The following MYLK variants were observed in gnomAD, a reference collection of about 807,000 sequenced individuals.
The protein encoded by MYLK is myosin light chain kinase.
In MYLK, 106 loss-of-function variants were observed where a neutral mutation model predicts 203.4. The ratio of observed to expected loss-of-function variants is 0.52; its 90% CI spans 0.45 to 0.61. MYLK has a LOEUF of 0.61. Among genes scored for constraint, MYLK ranks in the 20% least tolerant of loss-of-function variants. MYLK has a pLI of 0.00. For missense variants in MYLK, 2,072 were observed against 2,442.3 expected (o/e 0.85, Z 3.20); for synonymous variants, 867 against 959.5 (o/e 0.90, Z 1.78).
rs1227637591 is a variant in MYLK, at chr3:123,677,918, T to TACACAC, written c.3652+4300_3652+4305dup. 4.2e-4 allele frequency among the ~76,000 whole-genome samples: 33 copies of TACACAC among 78,870 alleles called. No homozygotes were observed. In the East Asian group the frequency reaches 6.8e-3, roughly 16 times the overall value. 51.7% of individuals were successfully genotyped at this position (78,870 alleles called of 152,430 possible). On this transcript the variant is annotated intron_variant, in intron 20 of 33. Transcript: ENST00000360304. Reference sequence around the variant, plus strand: ...ATATATATATATATATATATATATATACACACACACACACACAGAGTACAT... The same window carrying TACACAC: ...ATATATATATATATATATATATATATACACACACACACACACACACACAGAGTACAT...
intron 11 of MYLK, among the ~76,000 whole-genome samples, chr3:123,728,220 C>T (rs2062357847): frequency 6.6e-6 from 1 of 152,174 alleles, no homozygotes; most frequent in East Asian, 1.9e-4. Context: ...AACAAACAAA[C>T]ATCCAGGAGT....
intron 20 of MYLK, among the ~76,000 whole-genome samples, chr3:123,670,405 A>C (rs2059877595): frequency 6.6e-6 from 1 of 152,166 alleles, no homozygotes; most frequent in African/African-American, 2.4e-5. Context: ...GGAGGCTGGC[A>C]GAGCACAGGG....
intron 9 of MYLK, chr3:123,734,895 C>A: frequency 5.2e-6 from 1 of 193,780 alleles, no homozygotes; most frequent in Non-Finnish European, 1.1e-5. Flanking sequence ...GCTTCCCTGC[C>A]CCTCTATTCT....
At chr3:123,874,455 T>A (rs948745508) in intron 2 of MYLK, among the ~76,000 whole-genome samples, 1 of 152,158 alleles carries the variant, frequency 6.6e-6, no homozygotes, top group African/African-American at 2.4e-5. Flanking sequence ...AGAATCTCTA[T>A]CTATACCTTA....
chr3:123,718,421 G>T (rs1345300135), intron 13 of MYLK, among the ~76,000 whole-genome samples: 2 of 152,214 alleles, frequency 1.3e-5, no homozygotes, highest in African/African-American at 4.8e-5. Context: ...TAAAATGAAA[G>T]TGAATTTTCA....
At chr3:123,754,915 T>C (rs1328467516) in intron 4 of MYLK, among the ~76,000 whole-genome samples, 1 of 152,224 alleles carries the variant, frequency 6.6e-6, no homozygotes, top group African/African-American at 2.4e-5. Flanking sequence ...TATGCATGTT[T>C]AAAGGTGACA....
intron 3 of MYLK, among the ~76,000 whole-genome samples, chr3:123,799,193 C>T (rs1246790080): frequency 1.3e-5 from 2 of 151,954 alleles, no homozygotes; most frequent in African/African-American, 4.8e-5. Flanking sequence ...ACCCCTCACC[C>T]CTCACCCCCT....
At chr3:123,849,996 T>C (rs2030556723) in intron 2 of MYLK, among the ~76,000 whole-genome samples, 1 of 152,188 alleles carries the variant, frequency 6.6e-6, no homozygotes, top group African/African-American at 2.4e-5. Flanking sequence ...ATGCGGTGTT[T>C]GGTTTTTTGT....
At chr3:123,813,759 CCTTA>C (rs1463955383) in intron 3 of MYLK, among the ~76,000 whole-genome samples, 1 of 152,158 alleles carries the variant, frequency 6.6e-6, no homozygotes, top group African/African-American at 2.4e-5. Context: ...AATCTGCCTG[CCTTA>C]GCCTCCCAAA....
chr3:123,875,331 C>G (rs1236883416), intron 2 of MYLK, among the ~76,000 whole-genome samples: 1 of 152,106 alleles, frequency 6.6e-6, no homozygotes, highest in African/African-American at 2.4e-5. Flanking sequence ...GGATGAATCT[C>G]CAACACATTA....
intron 4 of MYLK, among the ~76,000 whole-genome samples, chr3:123,765,108 C>A (rs115662780): frequency 3.9e-5 from 6 of 152,228 alleles, no homozygotes; most frequent in African/African-American, 1.4e-4. Context: ...TTGGAACCGT[C>A]GCACACTGCT....
chr3:123,689,475 A>C (rs820379), intron 19 of MYLK, among the ~76,000 whole-genome samples: 132,634 of 152,038 alleles, frequency 0.87, 60,437 homozygotes, highest in Non-Finnish European at 1. Context: ...AACAGGTTTC[A>C]GAGCCAGACC....
chr3:123,711,017 G>A (rs551710298), intron 13 of MYLK, among the ~76,000 whole-genome samples: 162 of 152,240 alleles, frequency 1.1e-3, no homozygotes, highest in African/African-American at 3.8e-3. Context: ...CTTGAGCCTG[G>A]GAGGTTGAGG....
intron 3 of MYLK, among the ~76,000 whole-genome samples, chr3:123,807,833 C>T (rs2065423990): frequency 6.6e-6 from 1 of 152,252 alleles, no homozygotes; most frequent in Admixed American, 6.5e-5. Context: ...CAACTCTCCT[C>T]CCACTGGCTG....
At position 123,752,448 on chromosome 3, in the gene MYLK, G is replaced by C. The variant is rs368822172; in HGVS notation, c.256C>G (p.Arg86Gly). 2.2e-5 allele frequency: 35 copies of C among 1,614,042 alleles called. No homozygotes were observed. The highest frequency in any genetic ancestry group is 2.9e-5 in the Non-Finnish European group (34 of 1,180,044). Residue 86 changes from arginine to glycine, a missense_variant, in exon 5 of 34, where the codon CGG becomes GGG. Transcript: ENST00000360304. ...GGRFLLDCGI[R>G]GTFSLVIHAV... The stretch of plus-strand genomic sequence containing the variant: ...TGAATCACAAGGCTGAAAGTCCCCC[G>C]GATGCCGCAATCCAGCAGGAAGCGG...
intron 5 of MYLK, among the ~76,000 whole-genome samples, chr3:123,741,265 G>A (rs896289851): frequency 1.3e-5 from 2 of 152,138 alleles, no homozygotes; most frequent in African/African-American, 4.8e-5. Context: ...AGCCACACCC[G>A]GTTTAAGATT....
chr3:123,704,747 C>CAAAAAAAA (rs5852352), intron 16 of MYLK, among the ~76,000 whole-genome samples: 2,382 of 85,604 alleles, frequency 0.028, no homozygotes, highest in Non-Finnish European at 0.043. Context: ...ACTAAAAATA[C>CAAAAAAAA]AAAAAAAAAA....
chr3:123,872,611 A>AT (rs1362354351), intron 2 of MYLK, among the ~76,000 whole-genome samples: 1 of 152,098 alleles, frequency 6.6e-6, no homozygotes, highest in East Asian at 1.9e-4. Context: ...CTTTCCTTAT[A>AT]TTTGCCAGTT....
intron 3 of MYLK, among the ~76,000 whole-genome samples, chr3:123,814,705 T>A (rs2065683335): frequency 6.6e-6 from 1 of 152,222 alleles, no homozygotes; most frequent in South Asian, 2.1e-4. Context: ...AGCCAAAACT[T>A]AATGATGCCC....
Sources: allele counts gnomAD v4.1 joint callset (sites outside exome capture counted in the v4.1 genomes callset), GRCh38; gene constraint gnomAD v4.1.1; transcripts MANE v1.5; gene names NCBI Gene and HGNC (gene_info 2026-07-23, HGNC 2026-07-21).